MED15: variants seen among roughly 807,000 people sequenced by gnomAD.
The protein encoded by MED15 is mediator complex subunit 15, also known as mediator of RNA polymerase II transcription subunit 15.
A neutral mutation model predicts 118.7 loss-of-function variants in MED15; 41 were observed. The observed-to-expected ratio is 0.35, with a 90% CI of 0.27 to 0.45. The LOEUF (loss-of-function observed/expected upper bound fraction) is 0.45, where lower values mean the gene tolerates loss of function less well. Among genes scored for constraint, MED15 ranks in the 20% least tolerant of loss-of-function variants. The pLI, the probability that MED15 is intolerant of heterozygous loss-of-function variation, is 1.00. For synonymous variants in MED15, 436 were observed against 413.9 expected (o/e 1.05, Z -0.65); for missense variants, 740 against 1,025.5 (o/e 0.72, Z 3.80).
chr22:20,578,026 G>C (rs2056872699), intron 9 of MED15, among the ~76,000 whole-genome samples: 1 of 152,126 alleles, frequency 6.6e-6, no homozygotes, highest in African/African-American at 2.4e-5. Flanking sequence ...CCAGCTTCAA[G>C]CGATTCTCCT....
At chr22:20,547,006 A>C (rs553954746) in intron 2 of MED15, among the ~76,000 whole-genome samples, 187 of 152,244 alleles carry the variant, frequency 1.2e-3, no homozygotes, top group Non-Finnish European at 2.6e-3. Context: ...TTTTACACTA[A>C]TATTTCTAAT....
intron 8 of MED15, among the ~76,000 whole-genome samples, chr22:20,571,779 C>T (rs2056669263): frequency 6.6e-6 from 1 of 152,220 alleles, no homozygotes; most frequent in African/African-American, 2.4e-5. Context: ...CCAGCTGAGG[C>T]TACGGTACTC....
intron 9 of MED15, 128 bp downstream of exon 9, chr22:20,575,360 C>A: frequency 8.0e-7 from 1 of 1,242,824 alleles, no homozygotes; most frequent in Non-Finnish European, 1.1e-6. Context: ...GTGCCAAACC[C>A]ACAGTCCCTT....
At chr22:20,570,526 G>A (rs146839104) in intron 8 of MED15, among the ~76,000 whole-genome samples, 6,440 of 150,804 alleles carry the variant, frequency 0.043, 223 homozygotes, top group Non-Finnish European at 0.06. Flanking sequence ...CAAGTAGCTG[G>A]GACTACAGTT....
chr22:20,576,082 T>C (rs1437715131), intron 9 of MED15, among the ~76,000 whole-genome samples: 3 of 152,220 alleles, frequency 2.0e-5, no homozygotes, highest in Non-Finnish European at 4.4e-5. Flanking sequence ...TTGGAATTAC[T>C]CCATGGCATA....
intron 4 of MED15, among the ~76,000 whole-genome samples, chr22:20,553,774 G>A (rs1319320737): frequency 2.0e-5 from 3 of 152,138 alleles, no homozygotes; most frequent in Admixed American, 6.5e-5. Context: ...AGGAGGCTGA[G>A]GCATGAGAAT....
At chr22:20,551,774 T>C (rs1055388291) in intron 3 of MED15, 1 of 472,474 alleles carries the variant, frequency 2.1e-6, no homozygotes, top group Non-Finnish European at 3.8e-6. Context: ...TCCCTTTTCA[T>C]AGGGCTGTTG....
Position 20,566,679 on chromosome 22 carries a change from G to T in MED15, c.903G>T (p.Pro301=). The T allele has an allele frequency of 6.2e-7, 1 of 1,614,028 alleles. No homozygotes were observed. The highest frequency in any genetic ancestry group is 1.3e-5 in the African/African-American group (1 of 75,000). The stretch of plus-strand genomic sequence containing the variant: ...TGCATCACACACAGCACCACCAGCC[G>T]CCACCACAGCCCCAGCAGCCTCCAG... ...QQMHHTQHHQ[P]PPQPQQPPVA... The change falls in exon 7 of 18, where the codon CCG becomes CCT. Residue 301 remains proline, a synonymous_variant. Transcript: ENST00000263205.
At chr22:20,584,509 C>T in intron 14 of MED15, 84 bp downstream of exon 14, 4 of 1,487,876 alleles carry the variant, frequency 2.7e-6, no homozygotes, top group Non-Finnish European at 3.7e-6. Flanking sequence ...CCTTCAAGGT[C>T]AGGGCATCTG....
At chr22:20,551,814 T>C in intron 3 of MED15, 1 of 359,684 alleles carries the variant, frequency 2.8e-6, no homozygotes, top group Non-Finnish European at 5.2e-6. Context: ...CTGTTTACCC[T>C]GGAACAGAAA....
chr22:20,569,375 A>G (rs1264752218), intron 8 of MED15, among the ~76,000 whole-genome samples: 1 of 152,114 alleles, frequency 6.6e-6, no homozygotes, highest in Non-Finnish European at 1.5e-5. Context: ...CTGACTCGGA[A>G]GGGGCGTTGG....
At chr22:20,523,518 C>A in intron 1 of MED15, 1 of 331,124 alleles carries the variant, frequency 3.0e-6, no homozygotes, top group Non-Finnish European at 4.3e-6. Flanking sequence ...ACATCCCAGA[C>A]ACCAGATGAT....
intron 1 of MED15, chr22:20,523,808 A>T: frequency 6.1e-6 from 6 of 985,456 alleles, no homozygotes; most frequent in Non-Finnish European, 7.2e-6. Flanking sequence ...CTTCTGAACT[A>T]GCTTAGACAA....
intron 1 of MED15, among the ~76,000 whole-genome samples, chr22:20,521,067 C>T (rs908321224): frequency 6.8e-6 from 1 of 147,444 alleles, no homozygotes; most frequent in East Asian, 2.0e-4. Flanking sequence ...CTCATTTATC[C>T]TCACAGGCAG....
intron 1 of MED15, among the ~76,000 whole-genome samples, chr22:20,523,330 G>C (rs2054526250): frequency 6.6e-6 from 1 of 151,910 alleles, no homozygotes; most frequent in African/African-American, 2.4e-5. Context: ...CCACGGGCTT[G>C]AGATAAGCAT....
At chr22:20,584,762 G>T in intron 14 of MED15, 93 bp from the exon 15 acceptor site, 1 of 1,483,514 alleles carries the variant, frequency 6.7e-7, no homozygotes, top group South Asian at 1.2e-5. Flanking sequence ...TCGGGAATCT[G>T]ACTGTGAGTG....
intron 8 of MED15, among the ~76,000 whole-genome samples, chr22:20,570,170 G>A (rs928563563): frequency 1.3e-5 from 2 of 152,028 alleles, no homozygotes; most frequent in Non-Finnish European, 2.9e-5. Flanking sequence ...AACTACAGGC[G>A]CGTGCCATCA....
intron 8 of MED15, among the ~76,000 whole-genome samples, chr22:20,568,972 A>G (rs2056544454): frequency 6.6e-6 from 1 of 152,062 alleles, no homozygotes; most frequent in Non-Finnish European, 1.5e-5. Context: ...CTCATCTTCC[A>G]TTTGAGAGTC....
At chr22:20,553,119 G>A (rs376469060) in intron 3 of MED15, 26 bp from the exon 4 acceptor site, 133 of 1,601,492 alleles carry the variant, frequency 8.3e-5, no homozygotes, top group African/African-American at 3.6e-4. Flanking sequence ...GTTTACTTTC[G>A]TTTTTTTGTT....
Sources: gnomAD v4.1 joint callset for allele counts (sites outside exome capture counted in the v4.1 genomes callset) on GRCh38, gnomAD v4.1.1 for gene constraint, MANE v1.5 for transcripts, NCBI Gene and HGNC (gene_info 2026-07-23, HGNC 2026-07-21) for gene names.